IL10RB: variants seen among roughly 807,000 people sequenced by gnomAD.
The protein encoded by IL10RB is interleukin 10 receptor subunit beta, also known as interleukin-10 receptor subunit beta.
In IL10RB, 30 loss-of-function variants were observed where a neutral mutation model predicts 38.7. The observed-to-expected ratio is 0.78, with a 90% confidence interval of 0.58 to 1.05. The LOEUF is 1.05. Among genes scored for constraint, IL10RB ranks in the 50% least tolerant of loss-of-function variants. IL10RB has a pLI of 0.00. For missense variants in IL10RB, 328 were observed against 397.1 expected, an observed-to-expected ratio of 0.83 and a Z score of 1.48; for synonymous variants, 142 against 145.9, an observed-to-expected ratio of 0.97 and a Z score of 0.19.
At chr21:33,277,652 T>C (rs1203461964) in intron 3 of IL10RB, among the ~76,000 whole-genome samples, 13 of 130,806 alleles carry the variant, frequency 9.9e-5, no homozygotes, top group African/African-American at 3.1e-4. Flanking sequence ...AATTTTCTTT[T>C]TTTCTTTCTT....
chr21:33,298,737 T>G (rs150672519), downstream of IL10RB, among the ~76,000 whole-genome samples: 628 of 152,208 alleles, frequency 4.1e-3, 2 homozygotes, highest in Middle Eastern at 0.017. Context: ...AACAAAAGAA[T>G]GGAAAATATG....
chr21:33,266,395 G>C lies in IL10RB; in HGVS notation c.-71G>C. 1 of 1,505,092 alleles carries C rather than the reference G, an allele frequency of 6.6e-7. No homozygotes were observed. Among genetic ancestry groups the C allele is most frequent in the Non-Finnish European group, 8.9e-7 (1 of 1,122,198 alleles). 93.2% of individuals were successfully genotyped at this position (1,505,092 alleles called of 1,614,324 possible). On this transcript the variant is annotated 5_prime_UTR_variant, in exon 1 of 7. Coordinates refer to ENST00000290200, the MANE Select transcript of IL10RB (RefSeq NM_000628.5). ...TCCGCTGGTTCCCGGAAGCCGCCGCGGACAAGCTCTCCCGGGCGCGGGCGG... is the reference window on the plus strand; with the variant it reads ...TCCGCTGGTTCCCGGAAGCCGCCGCCGACAAGCTCTCCCGGGCGCGGGCGG...
intron 6 of IL10RB, among the ~76,000 whole-genome samples, chr21:33,290,688 TC>T (rs1989468593): frequency 6.6e-6 from 1 of 152,204 alleles, no homozygotes; most frequent in African/African-American, 2.4e-5. Context: ...AGGTGTCATC[TC>T]CAAGCTGGCG....
rs5843596 is a variant in IL10RB, at chr21:33,296,953, C to CA, written c.*616dup. 667 of 106,044 alleles carry CA rather than the reference C, an allele frequency of 6.3e-3. 5 individuals carry two copies. The highest frequency in any genetic ancestry group is 8.3e-3 in the African/African-American group (221 of 26,568). The allele number at this position is 106,044 out of a possible 1,614,324, so 6.6% of individuals were successfully genotyped here. On this transcript the variant is annotated 3_prime_UTR_variant, in exon 7 of 7. Transcript: ENST00000290200. ...TGGGTGACAAAGTGAGACTCCATCT[C>CA]AAAAAAAAAAAAAAAAAAAATTGTG...
At chr21:33,307,677 T>C (rs1035588484) in intron 1 of IL10RB, among the ~76,000 whole-genome samples, 4 of 152,198 alleles carry the variant, frequency 2.6e-5, no homozygotes, top group Non-Finnish European at 5.9e-5. Flanking sequence ...CATGGAACAC[T>C]TTCTATTTAC....
chr21:33,278,966 G>A (rs988081599), intron 3 of IL10RB, among the ~76,000 whole-genome samples: 7 of 152,224 alleles, frequency 4.6e-5, no homozygotes, highest in Non-Finnish European at 1.0e-4. Context: ...GAGTACATCT[G>A]TGTAACAGCT....
chr21:33,267,339 A>G (rs1988975112), intron 1 of IL10RB, among the ~76,000 whole-genome samples: 1 of 152,188 alleles, frequency 6.6e-6, no homozygotes, highest in South Asian at 2.1e-4. Flanking sequence ...AAACCCTGGC[A>G]TTAAACACGG....
intron 6 of IL10RB, among the ~76,000 whole-genome samples, chr21:33,290,715 C>G (rs2123596980): frequency 6.6e-6 from 1 of 152,360 alleles, no homozygotes; most frequent in East Asian, 1.9e-4. Flanking sequence ...CCTGCACTTT[C>G]AACAGGCCGC....
At chr21:33,269,143 A>G (rs1989029758) in intron 2 of IL10RB, among the ~76,000 whole-genome samples, 3 of 152,240 alleles carry the variant, frequency 2.0e-5, no homozygotes, top group African/African-American at 7.2e-5. Context: ...GGACAACAGC[A>G]GGGGCTGTGA....
intron 2 of IL10RB, among the ~76,000 whole-genome samples, chr21:33,269,728 G>C (rs1026777276): frequency 6.7e-6 from 1 of 149,226 alleles, no homozygotes; most frequent in South Asian, 2.1e-4. Context: ...GCGCGATCTC[G>C]GCTCACTGCA....
intron 1 of IL10RB, chr21:33,267,954 C>T (rs1011046298): frequency 3.3e-6 from 1 of 302,978 alleles, no homozygotes; most frequent in Non-Finnish European, 6.4e-6. Flanking sequence ...GCATCTCCAA[C>T]CTAATGCAGC....
chr21:33,297,826 A>G (rs2123608575), downstream of IL10RB, among the ~76,000 whole-genome samples: 2 of 150,104 alleles, frequency 1.3e-5, 1 homozygote, highest in Admixed American at 1.3e-4. Flanking sequence ...AAAAAAAAAG[A>G]AAGAAAGAAA....
At chr21:33,267,170 C>T (rs2123558210) in intron 1 of IL10RB, among the ~76,000 whole-genome samples, 1 of 152,298 alleles carries the variant, frequency 6.6e-6, no homozygotes, top group South Asian at 2.1e-4. Flanking sequence ...TTCTCATGAA[C>T]TCTTCCCTGG....
chr21:33,274,504 G>C (rs1442527167), intron 2 of IL10RB, among the ~76,000 whole-genome samples: 1 of 152,172 alleles, frequency 6.6e-6, no homozygotes, highest in Non-Finnish European at 1.5e-5. Context: ...AATAAGATTT[G>C]AAAGTCGAAA....
At chr21:33,303,036 GC>G (rs1422468165) in intron 1 of IL10RB, among the ~76,000 whole-genome samples, 1 of 152,188 alleles carries the variant, frequency 6.6e-6, no homozygotes, top group Admixed American at 6.5e-5. Context: ...TGTGTTCCCA[GC>G]CTTGCACGTG....
rs376721843 is a variant in IL10RB, at chr21:33,274,511, G to A, written c.174-2085G>A. Among the ~76,000 whole-genome samples, 17 of 152,232 alleles carry A rather than the reference G, an allele frequency of 1.1e-4. No homozygotes were observed. In the East Asian group the frequency reaches 2.3e-3, roughly 21 times the overall value. On this transcript the variant is annotated intron_variant, in intron 2 of 6. Transcript: ENST00000290200. Reference sequence around the variant, plus strand: ...TCTTAAATAATAAGATTTGAAAGTCGAAATAACTCCTTGACCCATGGGCTA... The same window carrying A: ...TCTTAAATAATAAGATTTGAAAGTCAAAATAACTCCTTGACCCATGGGCTA...
chr21:33,275,296 C>T (rs908485376), intron 2 of IL10RB, among the ~76,000 whole-genome samples: 2 of 151,932 alleles, frequency 1.3e-5, no homozygotes, highest in Admixed American at 1.3e-4. Context: ...GCTGAGATTA[C>T]AGGTGCATGC....
Position 33,305,997 on chromosome 21 carries a change from A to G in IL10RB, c.130-2979A>G, listed in dbSNP as rs529903847. Among the ~76,000 whole-genome samples the G allele has an allele frequency of 3.9e-5, 6 of 152,120 alleles. No homozygotes were observed. The South Asian group carries it at 1.2e-3, about 32-fold the overall frequency. On this transcript the variant is annotated intron_variant, in intron 1 of 1. Transcript: ENST00000609556. ...CAGGCACCCAAGACCACACCCAGCTAATTTTTGTATTTTTAGTAGAGTAAG... is the reference window on the plus strand; with the variant it reads ...CAGGCACCCAAGACCACACCCAGCTGATTTTTGTATTTTTAGTAGAGTAAG...
chr21:33,276,056 C>T (rs772418793), intron 2 of IL10RB, among the ~76,000 whole-genome samples: 5 of 152,236 alleles, frequency 3.3e-5, no homozygotes, highest in Non-Finnish European at 5.9e-5. Context: ...CACCAATAGA[C>T]TTGCTCAATG....
Sources: allele counts gnomAD v4.1 joint callset (sites outside exome capture counted in the v4.1 genomes callset), GRCh38; gene constraint gnomAD v4.1.1; transcripts MANE v1.5; gene names NCBI Gene and HGNC (gene_info 2026-07-23, HGNC 2026-07-21).